Variants in GRM7 observed in about 807,000 individuals in gnomAD.
The protein encoded by GRM7 is metabotropic glutamate receptor 7.
Under a neutral mutation model 84.5 loss-of-function variants are expected in GRM7, and 35 were observed. The observed-to-expected ratio is 0.41, with a 90% CI of 0.32 to 0.55. The LOEUF (loss-of-function observed/expected upper bound fraction) is 0.55. GRM7 is among the 20% of genes least tolerant of loss of function. The probability of loss-of-function intolerance (pLI) is 0.19; values close to 1 mark genes in which losing one functional copy is unlikely to be tolerated. For missense variants in GRM7, 1,003 were observed against 1,194.6 expected, an observed-to-expected ratio of 0.84 and a Z score of 2.36; for synonymous variants, 487 against 455.1, an observed-to-expected ratio of 1.07 and a Z score of -0.89.
At chr3:7,348,297 G>T (rs6791111) in intron 4 of GRM7, among the ~76,000 whole-genome samples, 91,999 of 151,804 alleles carry the variant, frequency 0.61, 29,227 homozygotes, top group African/African-American at 0.81. Context: ...TAGGTCTGTT[G>T]CCTTATTGGC....
At chr3:7,480,123 G>A (rs1208386914) in intron 7 of GRM7, among the ~76,000 whole-genome samples, 1 of 152,122 alleles carries the variant, frequency 6.6e-6, no homozygotes, top group African/African-American at 2.4e-5. Context: ...AAGAAGTGGG[G>A]GAGACAGTCC....
chr3:7,468,591 C>T (rs1698557225), intron 7 of GRM7, among the ~76,000 whole-genome samples: 1 of 152,142 alleles, frequency 6.6e-6, no homozygotes, highest in South Asian at 2.1e-4. Context: ...CTTAGTTTGT[C>T]CCATGATGAT....
chr3:7,392,622 T>C (rs1026505470), intron 4 of GRM7, among the ~76,000 whole-genome samples: 1 of 152,210 alleles, frequency 6.6e-6, no homozygotes, highest in Non-Finnish European at 1.5e-5. Context: ...TCCCAGCAGC[T>C]GGTAGCAAGG....
chr3:6,992,158 A>C (rs1388876890), intron 1 of GRM7, among the ~76,000 whole-genome samples: 1 of 152,214 alleles, frequency 6.6e-6, no homozygotes, highest in Non-Finnish European at 1.5e-5. Context: ...TTTGTCCAGG[A>C]AAATGACTCT....
chr3:6,994,335 G>C (rs940053397), intron 1 of GRM7, among the ~76,000 whole-genome samples: 8 of 152,136 alleles, frequency 5.3e-5, no homozygotes, highest in African/African-American at 1.7e-4. Flanking sequence ...ATGTGGTTTT[G>C]TTTCTCCGAT....
chr3:7,023,891 T>A (rs1422421177), intron 1 of GRM7, among the ~76,000 whole-genome samples: 1 of 152,142 alleles, frequency 6.6e-6, no homozygotes, highest in Non-Finnish European at 1.5e-5. Context: ...CTAAACAAAG[T>A]GTGATGGCAT....
At chr3:7,458,601 G>C (rs1157927781) in intron 6 of GRM7, among the ~76,000 whole-genome samples, 2 of 152,086 alleles carry the variant, frequency 1.3e-5, no homozygotes, top group Admixed American at 6.6e-5. Flanking sequence ...AATGAGAATG[G>C]AAAGGGCGTG....
intron 7 of GRM7, chr3:7,535,180 A>G (rs558538464): frequency 6.6e-6 from 1 of 152,126 alleles, no homozygotes; most frequent in Non-Finnish European, 1.5e-5. Flanking sequence ...AATCTTGTAC[A>G]TACCAATCCC....
At chr3:6,938,703 T>C (rs930375591) in intron 1 of GRM7, among the ~76,000 whole-genome samples, 2 of 152,192 alleles carry the variant, frequency 1.3e-5, no homozygotes, top group Admixed American at 6.5e-5. Context: ...ATTTTGCTTT[T>C]TAAAGGTGAG....
chr3:7,637,388 G>C lies in GRM7; in HGVS notation c.2452-42661G>C, dbSNP rs145724651. ...GTTTCCTTACAAAAGAATGAATCAC[G>C]TCAAGCCAGCCATTGAGTCAAAGGA... On this transcript the variant is annotated intron_variant, in intron 8 of 9. Coordinates refer to ENST00000357716, the MANE Select transcript of GRM7 (RefSeq NM_000844.4). Among the ~76,000 whole-genome samples, 449 of 152,278 alleles carry C rather than the reference G, an allele frequency of 2.9e-3. 2 individuals carry two copies. Among genetic ancestry groups the C allele is most frequent in the African/African-American group, 0.01 (433 of 41,564 alleles).
Position 7,151,456 on chromosome 3 carries a change from A to G in GRM7, c.736+4788A>G, listed in dbSNP as rs1694286325. On this transcript the variant is annotated intron_variant, in intron 2 of 9. Coordinates refer to ENST00000357716, the MANE Select transcript of GRM7 (RefSeq NM_000844.4). The surrounding 1 kb of genome is among the most constrained non-coding windows in gnomAD (Gnocchi z 4.5). ...AAACATACAAACAAAAACCAGAGCT[A>G]GATGGATTTTCCTACTATGGGATTT... 6.6e-6 allele frequency among the ~76,000 whole-genome samples: 1 copy of G among 152,062 alleles called. No homozygotes were observed. Among genetic ancestry groups the G allele is most frequent in the South Asian group, 2.1e-4 (1 of 4,824 alleles).
intron 7 of GRM7, among the ~76,000 whole-genome samples, chr3:7,531,778 A>G (rs1701046022): frequency 6.6e-6 from 1 of 152,082 alleles, no homozygotes; most frequent in African/African-American, 2.4e-5. Context: ...CTCTCTTCCT[A>G]TTTGAATACC....
chr3:7,574,409 C>T (rs1396142905), intron 7 of GRM7, among the ~76,000 whole-genome samples: 1 of 152,170 alleles, frequency 6.6e-6, no homozygotes, highest in African/African-American at 2.4e-5. Context: ...CCACCTGCCT[C>T]AGCCTCCCAA....
chr3:7,423,730 G>T (rs1312169145), intron 5 of GRM7, among the ~76,000 whole-genome samples: 2 of 137,598 alleles, frequency 1.5e-5, no homozygotes, highest in Non-Finnish European at 3.0e-5. Context: ...TTTTTCTACA[G>T]AATAAAATGT....
Position 7,408,413 on chromosome 3 carries a change from G to T in GRM7, c.1034-6610G>T, listed in dbSNP as rs537921716. Among the ~76,000 whole-genome samples the T allele has an allele frequency of 6.6e-4, 101 of 151,968 alleles. 1 individual carries two copies. Among genetic ancestry groups the T allele is most frequent in the East Asian group, 1.9e-4 (1 of 5,184 alleles). On this transcript the variant is annotated intron_variant, in intron 4 of 9. Transcript: ENST00000357716. ...TTTTGTTCTTTGTGGAATAATTTTC[G>T]TTGCAATAATTCTTATTTGTTTTCT...
chr3:7,269,240 C>T (rs1698762887), intron 2 of GRM7, among the ~76,000 whole-genome samples: 1 of 152,118 alleles, frequency 6.6e-6, no homozygotes, highest in African/African-American at 2.4e-5. Context: ...TTCACAGATA[C>T]CCTTTCCAAT....
At position 7,052,442 on chromosome 3, in the gene GRM7, A is replaced by G. The variant is rs80330672; in HGVS notation, c.520-94010A>G. ...ATAAAATTTATCAATTTAAGTGTGC[A>G]ATCCTCTTGTTTTAAAAATCTAATT... is the stretch of plus-strand genomic sequence containing the variant. On this transcript the variant is annotated intron_variant, in intron 1 of 9. Transcript: ENST00000357716. Among the ~76,000 whole-genome samples, 628 of 151,704 alleles carry G rather than the reference A, an allele frequency of 4.1e-3. 5 individuals are homozygous for G. The highest frequency in any genetic ancestry group is 9.7e-3 in the South Asian group (47 of 4,832).
At chr3:7,051,074 A>G (rs986792524) in intron 1 of GRM7, among the ~76,000 whole-genome samples, 1 of 151,830 alleles carries the variant, frequency 6.6e-6, no homozygotes, top group African/African-American at 2.4e-5. Context: ...AAACACTCAC[A>G]AACATATTTT....
intron 1 of GRM7, among the ~76,000 whole-genome samples, chr3:6,957,158 C>A (rs1693091073): frequency 6.6e-6 from 1 of 152,124 alleles, no homozygotes; most frequent in African/African-American, 2.4e-5. Flanking sequence ...TTTGGGACTG[C>A]CACTAAGTGC....
Sources: allele counts gnomAD v4.1 joint callset (sites outside exome capture counted in the v4.1 genomes callset), GRCh38; gene constraint gnomAD v4.1.1; non-coding constraint Gnocchi (gnomAD v3.1); transcripts MANE v1.5; gene names NCBI Gene and HGNC (gene_info 2026-07-23, HGNC 2026-07-21).